Variants in MAP4K3 observed in about 807,000 individuals in gnomAD.
MAP4K3 encodes mitogen-activated protein kinase kinase kinase kinase 3.
In MAP4K3, 94 loss-of-function variants were observed where a neutral mutation model predicts 143.5. That is an observed-to-expected ratio of 0.65 (90% CI 0.55 to 0.78). The LOEUF is 0.78. Ranked by LOEUF, MAP4K3 falls within the 30% of genes least tolerant of loss-of-function variation. The pLI is 0.00. For missense variants in MAP4K3, 1,077 were observed against 1,068.1 expected (o/e 1.01, Z -0.12); for synonymous variants, 416 against 347.2 (o/e 1.20, Z -2.20).
chr2:39,364,081 T>A (rs1297848773), intron 2 of MAP4K3, among the ~76,000 whole-genome samples: 1 of 151,280 alleles, frequency 6.6e-6, no homozygotes, highest in East Asian at 1.9e-4. Flanking sequence ...TAAAATGGTG[T>A]AGCCACTATG....
At chr2:39,285,498 C>T (rs1681731990) in intron 21 of MAP4K3, among the ~76,000 whole-genome samples, 1 of 152,096 alleles carries the variant, frequency 6.6e-6, no homozygotes, top group Non-Finnish European at 1.5e-5. Context: ...TTGTTGAAAG[C>T]AAAAAGGCAC....
At chr2:39,337,710 C>A in intron 4 of MAP4K3, 129 bp from the exon 5 acceptor site, 1 of 394,888 alleles carries the variant, frequency 2.5e-6, no homozygotes, top group Non-Finnish European at 4.8e-6. Flanking sequence ...TAAGCTAGGA[C>A]TACAGGCATG....
intron 24 of MAP4K3, among the ~76,000 whole-genome samples, chr2:39,277,450 G>C (rs1681314932): frequency 6.6e-6 from 1 of 152,146 alleles, no homozygotes; most frequent in Non-Finnish European, 1.5e-5. Context: ...ATCTAATCCT[G>C]AGTGCTGTAG....
intron 13 of MAP4K3, among the ~76,000 whole-genome samples, chr2:39,312,690 G>C (rs1168427730): frequency 6.6e-6 from 1 of 152,182 alleles, no homozygotes; most frequent in East Asian, 1.9e-4. Context: ...AGTAGGTTAA[G>C]AATGAGTCCA....
chr2:39,431,825 C>G (rs1051915903), intron 1 of MAP4K3, among the ~76,000 whole-genome samples: 2 of 152,166 alleles, frequency 1.3e-5, no homozygotes, highest in Non-Finnish European at 2.9e-5. Flanking sequence ...CATTTTACAG[C>G]TGAGGAAACT....
intron 32 of MAP4K3, among the ~76,000 whole-genome samples, chr2:39,252,306 T>C (rs942190509): frequency 6.6e-6 from 1 of 152,228 alleles, no homozygotes; most frequent in African/African-American, 2.4e-5. Flanking sequence ...AAGGCAGACA[T>C]GCCTTGAGTT....
At chr2:39,361,969 A>T (rs1240377406) in intron 2 of MAP4K3, among the ~76,000 whole-genome samples, 1 of 152,056 alleles carries the variant, frequency 6.6e-6, no homozygotes, top group East Asian at 1.9e-4. Flanking sequence ...TGAAAAAAAC[A>T]AAAGACACTT....
Position 39,407,352 on chromosome 2 carries a change from G to GA in MAP4K3, c.97-29230dup, listed in dbSNP as rs112820457. On this transcript the variant is annotated intron_variant, in intron 1 of 33. Transcript: ENST00000263881. The stretch of plus-strand genomic sequence containing the variant: ...CACCACTTCTATTAACAACTTAAAG[G>GA]AAAAAAAAAAAAAAGGATTTAAAGT... 2.4e-3 allele frequency among the ~76,000 whole-genome samples: 312 copies of GA among 132,370 alleles called. 1 individual carries two copies. Among genetic ancestry groups the GA allele is most frequent in the East Asian group, 4.7e-3 (22 of 4,654 alleles). 86.8% of individuals were successfully genotyped at this position (132,370 alleles called of 152,430 possible).
intron 1 of MAP4K3, among the ~76,000 whole-genome samples, chr2:39,385,579 TA>T (rs1383921026): frequency 7.1e-5 from 7 of 98,154 alleles, no homozygotes; most frequent in Non-Finnish European, 1.5e-4. Flanking sequence ...TATATATATA[TA>T]TATATATATA....
At chr2:39,335,583 T>C (rs1359045861) in intron 6 of MAP4K3, among the ~76,000 whole-genome samples, 1 of 152,206 alleles carries the variant, frequency 6.6e-6, no homozygotes, top group Non-Finnish European at 1.5e-5. Flanking sequence ...CTAACTTCTG[T>C]ATCTGCTCAC....
At chr2:39,315,546 A>G (rs553090577) in intron 12 of MAP4K3, 158 bp from the exon 13 acceptor site, 20 of 547,144 alleles carry the variant, frequency 3.7e-5, no homozygotes, top group Admixed American at 1.0e-4. Context: ...GCAAACCACA[A>G]TAGCAGCTCA....
At chr2:39,363,351 A>T (rs1665822764) in intron 2 of MAP4K3, among the ~76,000 whole-genome samples, 1 of 152,072 alleles carries the variant, frequency 6.6e-6, no homozygotes, top group Non-Finnish European at 1.5e-5. Flanking sequence ...GCAAAACAAA[A>T]CCCACCAAAT....
chr2:39,302,775 A>G (rs772778400), intron 15 of MAP4K3, among the ~76,000 whole-genome samples: 3 of 152,266 alleles, frequency 2.0e-5, no homozygotes, highest in Non-Finnish European at 4.4e-5. Context: ...GTAGAGTCAA[A>G]TAAGTAACAG....
At chr2:39,334,858 T>C (rs1338625110) in intron 6 of MAP4K3, among the ~76,000 whole-genome samples, 1 of 152,182 alleles carries the variant, frequency 6.6e-6, no homozygotes, top group Non-Finnish European at 1.5e-5. Context: ...TATGAATGAA[T>C]GAATCAACAA....
intron 1 of MAP4K3, among the ~76,000 whole-genome samples, chr2:39,401,779 T>G (rs182258637): frequency 6.6e-6 from 1 of 152,054 alleles, no homozygotes; most frequent in South Asian, 2.1e-4. Flanking sequence ...CCGGCCTGGA[T>G]GACAGGAGTG....
intron 12 of MAP4K3, among the ~76,000 whole-genome samples, chr2:39,325,188 T>C (rs990127657): frequency 6.6e-6 from 1 of 152,162 alleles, no homozygotes; most frequent in Non-Finnish European, 1.5e-5. Flanking sequence ...GCACTTCCCA[T>C]TTGCTTTCCC....
intron 20 of MAP4K3, 145 bp downstream of exon 20, chr2:39,287,976 C>G: frequency 1.1e-6 from 1 of 935,008 alleles, no homozygotes; most frequent in Admixed American, 2.4e-5. Context: ...AGCTAGTAGG[C>G]AAAAAGCAGA....
At chr2:39,280,073 G>C (rs114557178) in intron 23 of MAP4K3, among the ~76,000 whole-genome samples, 199 bp downstream of exon 23, 1,585 of 152,248 alleles carry the variant, frequency 0.01, 26 homozygotes, top group African/African-American at 0.036. Context: ...TAACTATACA[G>C]TGAAATTTTA....
At chr2:39,412,609 C>T (rs1208157521) in intron 1 of MAP4K3, among the ~76,000 whole-genome samples, 9 of 152,066 alleles carry the variant, frequency 5.9e-5, no homozygotes, top group Non-Finnish European at 1.2e-4. Flanking sequence ...AAGGGCTTTC[C>T]TAAACGGCGA....
Sources: allele counts gnomAD v4.1 joint callset (sites outside exome capture counted in the v4.1 genomes callset), GRCh38; gene constraint gnomAD v4.1.1; transcripts MANE v1.5; gene names NCBI Gene and HGNC (gene_info 2026-07-23, HGNC 2026-07-21).